EIF2AK2: variants seen among roughly 807,000 people sequenced by gnomAD.
EIF2AK2 encodes the protein interferon-induced, double-stranded RNA-activated protein kinase.
EIF2AK2 carries 40 observed loss-of-function variants against 70.5 expected under a neutral mutation model. The observed-to-expected ratio is 0.57, with a 90% confidence interval of 0.44 to 0.74. The LOEUF is 0.74. Ranked by LOEUF, EIF2AK2 falls within the 30% of genes least tolerant of loss-of-function variation. EIF2AK2 has a pLI of 0.00. For synonymous variants in EIF2AK2, 198 were observed against 220.9 expected (o/e 0.90, Z 0.92); for missense variants, 555 against 644.3 (o/e 0.86, Z 1.50).
rs1047218102 is a variant in EIF2AK2 at position 37,105,837 on chromosome 2, C to T, written c.*1436G>A. On this transcript the variant is annotated 3_prime_UTR_variant, in exon 17 of 17. Coordinates refer to ENST00000233057, the MANE Select transcript of EIF2AK2 (RefSeq NM_001135651.3). ...GGTCTCCTCTCTACTCATCTAACAC[C>T]CTGGCATATAGTTGGAAGGCCCACT... 6 of 152,196 alleles carry T rather than the reference C, an allele frequency of 3.9e-5. No homozygotes were observed. The highest frequency in any genetic ancestry group is 1.2e-4 in the African/African-American group (5 of 41,420). 9.4% of individuals were successfully genotyped at this position (152,196 alleles called of 1,614,324 possible).
chr2:37,149,035 GA>G lies in EIF2AK2; in HGVS notation c.-183-13del. 1 of 980,798 alleles carries G rather than the reference GA, an allele frequency of 1.0e-6. No individual in the cohort carries two copies. Among genetic ancestry groups the G allele is most frequent in the Non-Finnish European group, 1.7e-6 (1 of 601,746 alleles). The allele number at this position is 980,798 out of a possible 1,614,324, so 60.8% of individuals were successfully genotyped here. A position where few individuals can be genotyped will look rare whatever the true frequency, so the allele number is the denominator to read the frequency against. On this transcript the variant is annotated splice_polypyrimidine_tract_variant and intron_variant, in intron 1 of 16. Transcript: ENST00000233057. ...ATTTGCTCCAGAAACTGGTAAAAGAGAAAAAAGAAGGCTTAAAAAAATGCAA... is the reference window on the plus strand; with the variant it reads ...ATTTGCTCCAGAAACTGGTAAAAGAGAAAAAGAAGGCTTAAAAAAATGCAA...
At position 37,107,063 on chromosome 2, in the gene EIF2AK2, G is replaced by C; in HGVS notation, c.*210C>G. On this transcript the variant is annotated 3_prime_UTR_variant, in exon 17 of 17. Coordinates refer to ENST00000233057, the MANE Select transcript of EIF2AK2 (RefSeq NM_001135651.3). ...TCTTTAAAAAAAAAAAAAGAATAAA[G>C]AGATGAGCCAGGAAAAAGTAAAATG... The C allele has an allele frequency of 2.0e-6, 1 of 506,930 alleles. No homozygotes were observed. The allele number at this position is 506,930 out of a possible 1,614,324, so 31.4% of individuals were successfully genotyped here.
At chr2:37,134,453 A>T (rs984743816) in intron 10 of EIF2AK2, among the ~76,000 whole-genome samples, 2 of 152,214 alleles carry the variant, frequency 1.3e-5, no homozygotes, top group Admixed American at 1.3e-4. Context: ...GTATCACCTG[A>T]AACGAATGGA....
intron 13 of EIF2AK2, among the ~76,000 whole-genome samples, chr2:37,118,552 T>C (rs187197361): frequency 7.2e-5 from 11 of 152,332 alleles, no homozygotes; most frequent in Admixed American, 6.5e-4. Flanking sequence ...TTGCAAATTA[T>C]TTTATATAGA....
At chr2:37,109,373 T>G (rs1674069374) in intron 14 of EIF2AK2, 78 bp from the exon 15 acceptor site, 1 of 1,268,526 alleles carries the variant, frequency 7.9e-7, no homozygotes, top group Admixed American at 2.2e-5. Context: ...AAAAAAGTTA[T>G]TTGACCAAAA....
At chr2:37,153,495 C>G (rs992162963) in intron 1 of EIF2AK2, among the ~76,000 whole-genome samples, 1 of 151,842 alleles carries the variant, frequency 6.6e-6, no homozygotes, top group African/African-American at 2.4e-5. Flanking sequence ...GTGGGCATGC[C>G]TGGTTAATTT....
chr2:37,121,442 T>C (rs1674547116), intron 12 of EIF2AK2, among the ~76,000 whole-genome samples: 1 of 152,038 alleles, frequency 6.6e-6, no homozygotes, highest in Non-Finnish European at 1.5e-5. Flanking sequence ...ACCATTGATC[T>C]ACTAAGCATG....
rs1675297512 is a variant in EIF2AK2, at chr2:37,140,629, C to G, written c.390-872G>C. 2.7e-5 allele frequency among the ~76,000 whole-genome samples: 4 copies of G among 149,994 alleles called. 1 individual carries two copies. The South Asian group carries it at 8.4e-4, about 31-fold the overall frequency. ...CCCCCCGCAAACAGATTTCTTCTTT[C>G]TTTTAGGTATCTAATGTTAGCATAA... On this transcript the variant is annotated intron_variant, in intron 5 of 16. Coordinates refer to ENST00000233057, the MANE Select transcript of EIF2AK2 (RefSeq NM_001135651.3).
chr2:37,153,337 C>CTCTTTTTTTT (rs777537067), intron 1 of EIF2AK2, among the ~76,000 whole-genome samples: 2,668 of 109,458 alleles, frequency 0.024, 291 homozygotes, highest in Non-Finnish European at 0.035. Context: ...CTCTGCTAAT[C>CTCTTTTTTTT]TTTTTTTTTT....
intron 11 of EIF2AK2, among the ~76,000 whole-genome samples, chr2:37,124,997 T>C (rs531163829): frequency 3.3e-5 from 5 of 151,980 alleles, no homozygotes; most frequent in Admixed American, 1.3e-4. Flanking sequence ...CTAAATAGTA[T>C]TCTTTTTATT....
At chr2:37,129,178 C>A (rs1354785827) in intron 10 of EIF2AK2, among the ~76,000 whole-genome samples, 1 of 152,078 alleles carries the variant, frequency 6.6e-6, no homozygotes, top group Non-Finnish European at 1.5e-5. Flanking sequence ...TTCAAGAGGA[C>A]AAACATCTCC....
chr2:37,122,784 C>T, intron 11 of EIF2AK2, 120 bp from the exon 12 acceptor site: 1 of 1,313,704 alleles, frequency 7.6e-7, no homozygotes, highest in Non-Finnish European at 1.1e-6. Flanking sequence ...CTGTGGTTCT[C>T]ACATAGTTTT....
rs550113412 is a variant in EIF2AK2 at position 37,149,451 on chromosome 2, A to G, written c.-183-428T>C. On this transcript the variant is annotated intron_variant, in intron 1 of 16. Transcript: ENST00000233057. ...AATTTTTCATCTTGGGTGCTTTAAG[A>G]TTCACTATTTGATATAAATTCAGAT... is the stretch of plus-strand genomic sequence containing the variant. 1.4e-3 allele frequency: 646 copies of G among 450,244 alleles called. 10 individuals are homozygous for G. The highest frequency in any genetic ancestry group is 0.011 in the South Asian group (474 of 43,358). 27.9% of individuals were successfully genotyped at this position (450,244 alleles called of 1,614,324 possible). A position where few individuals can be genotyped will look rare whatever the true frequency, so the allele number is the denominator to read the frequency against.
At chr2:37,131,060 A>C (rs541078479) in intron 10 of EIF2AK2, among the ~76,000 whole-genome samples, 1 of 152,208 alleles carries the variant, frequency 6.6e-6, no homozygotes, top group South Asian at 2.1e-4. Flanking sequence ...TTCTTTCCTC[A>C]AATTAGTGGG....
At position 37,151,983 on chromosome 2, in the gene EIF2AK2, G is replaced by A. The variant is rs1395486722; in HGVS notation, c.-183-2960C>T. ...CGCGAGGCTGAGGCAGGAGAATGGC[G>A]TGAACCCGGCAGGCGGAGCTTGCAG... On this transcript the variant is annotated intron_variant, in intron 1 of 16. Transcript: ENST00000233057. Among the ~76,000 whole-genome samples the A allele has an allele frequency of 3.9e-5, 6 of 152,354 alleles. No individual in the cohort carries two copies. The East Asian group carries it at 1.2e-3, about 29-fold the overall frequency.
At position 37,146,957 on chromosome 2, in the gene EIF2AK2, TAACTTGAAATGTA is replaced by T. The variant is rs1675566143; in HGVS notation, c.123_135del (p.Phe41LeufsTer2). The T allele has an allele frequency of 6.2e-7, 1 of 1,611,860 alleles. No homozygotes were observed. ...TCTGGAAATTCTCTTCCATCTATTA[TAACTTGAAATGTA>T]AACCTGATTACAAAGAGAATATTCA... On this transcript the variant is annotated frameshift_variant, in exon 4 of 17. Coordinates refer to ENST00000233057, the MANE Select transcript of EIF2AK2 (RefSeq NM_001135651.3). LOFTEE classifies it high-confidence loss of function.
chr2:37,152,716 C>T (rs543851114), intron 1 of EIF2AK2, among the ~76,000 whole-genome samples: 26 of 152,312 alleles, frequency 1.7e-4, no homozygotes, highest in African/African-American at 5.8e-4. Flanking sequence ...ATCATCTATA[C>T]GCCATTACCT....
intron 11 of EIF2AK2, among the ~76,000 whole-genome samples, chr2:37,123,324 T>C (rs776268377): frequency 2.0e-5 from 3 of 152,036 alleles, no homozygotes; most frequent in Non-Finnish European, 4.4e-5. Context: ...TGGAGTGCAG[T>C]GGCACAATCT....
At position 37,105,378 on chromosome 2, in the gene EIF2AK2, G is replaced by T; in HGVS notation, c.*1895C>A. 6.6e-6 allele frequency: 1 copy of T among 152,226 alleles called. No individual in the cohort carries two copies. The highest frequency in any genetic ancestry group is 1.5e-5 in the Non-Finnish European group (1 of 68,092). The allele number at this position is 152,226 out of a possible 1,614,324, so 9.4% of individuals were successfully genotyped here. On this transcript the variant is annotated 3_prime_UTR_variant, in exon 17 of 17. Coordinates refer to ENST00000233057, the MANE Select transcript of EIF2AK2 (RefSeq NM_001135651.3). ...GTGTGCTGGGGAGGAGAAGCAAGGA[G>T]TTCTCAATCTATTAGTTCCCTCAAG... is the stretch of plus-strand genomic sequence containing the variant.
Sources: allele counts gnomAD v4.1 joint callset (sites outside exome capture counted in the v4.1 genomes callset), GRCh38; gene constraint gnomAD v4.1.1; transcripts MANE v1.5; gene names NCBI Gene and HGNC (gene_info 2026-07-23, HGNC 2026-07-21).